The following CARM1 variants were observed in gnomAD, a reference collection of about 807,000 sequenced individuals.
The protein encoded by CARM1 is coactivator associated arginine methyltransferase 1.
CARM1 carries 14 observed loss-of-function variants against 72.7 expected under a neutral mutation model. The observed-to-expected ratio is 0.19, with a 90% CI of 0.13 to 0.30. The LOEUF (loss-of-function observed/expected upper bound fraction) is 0.30. Ranked by LOEUF, CARM1 falls within the 10% of genes least tolerant of loss-of-function variation. CARM1 has a pLI of 1.00. For synonymous variants in CARM1, 333 were observed against 345.5 expected, an observed-to-expected ratio of 0.96 and a Z score of 0.40; for missense variants, 432 against 833.7, an observed-to-expected ratio of 0.52 and a Z score of 5.93.
At position 10,918,733 on chromosome 19, in the gene CARM1, C is replaced by T. The variant is rs115994299; in HGVS notation, c.1021-862C>T. ...TGAGCTCCCATTTTGCTTTCCCCAC[C>T]CAAGGAAGCTGCTGAAAGGTCGAGG... On this transcript the variant is annotated intron_variant, in intron 8 of 15. Transcript: ENST00000327064. 8.8e-3 allele frequency among the ~76,000 whole-genome samples: 1,338 copies of T among 152,258 alleles called. 22 individuals carry two copies. The highest frequency in any genetic ancestry group is 0.031 in the African/African-American group (1,281 of 41,536).
chr19:10,876,450 T>C (rs1188640095), intron 1 of CARM1, among the ~76,000 whole-genome samples: 2 of 152,292 alleles, frequency 1.3e-5, no homozygotes, highest in East Asian at 3.9e-4. Context: ...TCACCGGCCA[T>C]GGGAGGGAGT....
At chr19:10,876,404 GC>G (rs1251625142) in intron 1 of CARM1, among the ~76,000 whole-genome samples, 7 of 152,196 alleles carry the variant, frequency 4.6e-5, no homozygotes, top group Admixed American at 1.3e-4. Flanking sequence ...TCTAGGAGGA[GC>G]CCCCTATGCT....
rs192361445 is a variant in CARM1 at position 10,884,134 on chromosome 19, G to A, written c.220+12212G>A. Among the ~76,000 whole-genome samples, 731 of 150,962 alleles carry A rather than the reference G, an allele frequency of 4.8e-3. 6 individuals carry two copies. The highest frequency in any genetic ancestry group is 0.017 in the African/African-American group (704 of 41,110). ...GAGGTGGGCGGATCACTTGAGGTCA[G>A]GAGTTCGAGACCAGCCTGACCAATG... On this transcript the variant is annotated intron_variant, in intron 1 of 15. Coordinates refer to ENST00000327064, the MANE Select transcript of CARM1 (RefSeq NM_199141.2).
At chr19:10,913,789 G>A in intron 5 of CARM1, 88 bp from the exon 6 acceptor site, 1 of 1,382,226 alleles carries the variant, frequency 7.2e-7, no homozygotes, top group Non-Finnish European at 9.9e-7. Context: ...CCCATGTGTG[G>A]ATGGAGGCTG....
intron 6 of CARM1, among the ~76,000 whole-genome samples, chr19:10,914,954 G>A (rs752302991): frequency 2.6e-5 from 4 of 152,196 alleles, no homozygotes; most frequent in Non-Finnish European, 4.4e-5. Flanking sequence ...GTATGTGAGC[G>A]TCTGAGCATT....
At chr19:10,906,239 C>A (rs1257413476) in intron 2 of CARM1, among the ~76,000 whole-genome samples, 1 of 152,156 alleles carries the variant, frequency 6.6e-6, no homozygotes, top group Non-Finnish European at 1.5e-5. Context: ...CAGGCATGAG[C>A]CACTGCACCC....
At chr19:10,888,861 C>G (rs2073961142) in intron 1 of CARM1, among the ~76,000 whole-genome samples, 2 of 152,210 alleles carry the variant, frequency 1.3e-5, no homozygotes, top group Non-Finnish European at 2.9e-5. Context: ...AGCTCTTTGT[C>G]TTGGCCTTCT....
intron 1 of CARM1, among the ~76,000 whole-genome samples, chr19:10,872,240 G>A (rs1334411577): frequency 6.7e-6 from 1 of 149,826 alleles, no homozygotes; most frequent in Non-Finnish European, 1.5e-5. Context: ...GAATTTGGAG[G>A]ACGCCAGGCG....
intron 4 of CARM1, among the ~76,000 whole-genome samples, chr19:10,910,949 G>T (rs907460917): frequency 2.0e-5 from 3 of 152,086 alleles, no homozygotes; most frequent in Non-Finnish European, 2.9e-5. Context: ...GGAATGCAGT[G>T]GCACAATCTC....
chr19:10,873,527 TG>T (rs1171468081), intron 1 of CARM1, among the ~76,000 whole-genome samples: 2 of 149,474 alleles, frequency 1.3e-5, no homozygotes, highest in African/African-American at 5.0e-5. Flanking sequence ...AGGCAGAGGT[TG>T]CAATGAGCTG....
rs544300752 is a variant in CARM1, at chr19:10,905,771, C to T, written c.346+695C>T. Among the ~76,000 whole-genome samples, 3 of 151,834 alleles carry T rather than the reference C, an allele frequency of 2.0e-5. No individual in the cohort carries two copies. In the South Asian group the frequency reaches 6.2e-4, roughly 32 times the overall value. ...GTGACCCAGATGTACCTTGGGCAGC[C>T]TGAGCCCTCGGGGCCAGCTGTGTGA... On this transcript the variant is annotated intron_variant, in intron 2 of 15. Coordinates refer to ENST00000327064, the MANE Select transcript of CARM1 (RefSeq NM_199141.2).
At chr19:10,917,222 C>CA (rs2074204889) in intron 8 of CARM1, among the ~76,000 whole-genome samples, 3 of 152,104 alleles carry the variant, frequency 2.0e-5, no homozygotes, top group African/African-American at 7.2e-5. Flanking sequence ...TGCAGTGGGT[C>CA]ACACCTGTAA....
intron 1 of CARM1, among the ~76,000 whole-genome samples, chr19:10,889,241 C>T (rs1260292276): frequency 1.3e-5 from 2 of 152,182 alleles, no homozygotes; most frequent in Non-Finnish European, 2.9e-5. Context: ...CCACAGACAC[C>T]TCTGTTCCGT....
intron 1 of CARM1, among the ~76,000 whole-genome samples, chr19:10,884,400 G>A (rs1353037424): frequency 5.3e-5 from 8 of 150,434 alleles, no homozygotes; most frequent in African/African-American, 1.2e-4. Context: ...TGTCCAGGCC[G>A]GTCTCAAACT....
chr19:10,879,383 T>A (rs1463670107), intron 1 of CARM1, among the ~76,000 whole-genome samples: 1 of 152,188 alleles, frequency 6.6e-6, no homozygotes. Context: ...TGTGCTCAGC[T>A]GAATTTAGGG....
chr19:10,886,997 G>A lies in CARM1; in HGVS notation c.220+15075G>A, dbSNP rs140868401. Among the ~76,000 whole-genome samples the A allele has an allele frequency of 1.2e-3, 178 of 152,248 alleles. 1 individual carries two copies. Among genetic ancestry groups the A allele is most frequent in the African/African-American group, 4.0e-3 (167 of 41,564 alleles). On this transcript the variant is annotated intron_variant, in intron 1 of 15. Coordinates refer to ENST00000327064, the MANE Select transcript of CARM1 (RefSeq NM_199141.2). ...CCCGAGGAGCTGGGCCTCCTGCCTC[G>A]GTGTCCTGAGGAGCTGGGACTGCAG... is the stretch of plus-strand genomic sequence containing the variant.
chr19:10,916,110 C>G lies in CARM1; in HGVS notation c.848-297C>G, dbSNP rs1237412863. On this transcript the variant is annotated intron_variant, in intron 6 of 15. Transcript: ENST00000327064. This position sits in a 1 kb window ranked among gnomAD's most constrained non-coding sequence, Gnocchi z 4.4. Reference sequence around the variant, plus strand: ...ACATCCCGGGCACTGCCTGCTTCCCCGTGAGTCTTTGGCAGGTCCCTCACA... The same window carrying G: ...ACATCCCGGGCACTGCCTGCTTCCCGGTGAGTCTTTGGCAGGTCCCTCACA... Among the ~76,000 whole-genome samples, 13 of 152,210 alleles carry G rather than the reference C, an allele frequency of 8.5e-5. No individual in the cohort carries two copies. Among genetic ancestry groups the G allele is most frequent in the Non-Finnish European group, 1.8e-4 (12 of 68,032 alleles).
rs2074198579 is a variant in CARM1 at position 10,916,596 on chromosome 19, A to G, written c.938+99A>G. ...GCCTGCACTCCTCTTTTTCTGAAAG[A>G]CTTGGGCTAGATGAGGGCTGACTGG... On this transcript the variant is annotated intron_variant, in intron 7 of 15. Transcript: ENST00000327064. The surrounding 1 kb of genome is among the most constrained non-coding windows in gnomAD (Gnocchi z 4.4). 7.2e-7 allele frequency: 1 copy of G among 1,394,002 alleles called. No homozygotes were observed. The highest frequency in any genetic ancestry group is 1.0e-6 in the Non-Finnish European group (1 of 998,668). The allele number at this position is 1,394,002 out of a possible 1,614,324, so 86.4% of individuals were successfully genotyped here.
intron 1 of CARM1, among the ~76,000 whole-genome samples, chr19:10,886,061 T>C (rs1285885145): frequency 6.7e-6 from 1 of 148,604 alleles, no homozygotes; most frequent in South Asian, 2.1e-4. Flanking sequence ...TCTTTCTTTT[T>C]TTTTTTTTTT....
Sources: gnomAD v4.1 joint callset for allele counts (sites outside exome capture counted in the v4.1 genomes callset) on GRCh38, gnomAD v4.1.1 for gene constraint, Gnocchi (gnomAD v3.1) non-coding constraint, MANE v1.5 for transcripts, NCBI Gene and HGNC (gene_info 2026-07-23, HGNC 2026-07-21) for gene names.